BEST3: variants seen among roughly 807,000 people sequenced by gnomAD.
BEST3 encodes bestrophin 3, also known as bestrophin-3.
A neutral mutation model predicts 47.1 loss-of-function variants in BEST3; 50 were observed. That is an observed-to-expected ratio of 1.06 (90% CI 0.85 to 1.34). The LOEUF (loss-of-function observed/expected upper bound fraction) is 1.34, where lower values mean the gene tolerates loss of function less well. Among genes scored for constraint, BEST3 ranks in the 40% most tolerant of loss-of-function variants. BEST3 has a pLI of 0.00. For synonymous variants in BEST3, 282 were observed against 298.8 expected, an observed-to-expected ratio of 0.94 and a Z score of 0.58; for missense variants, 765 against 817.0, an observed-to-expected ratio of 0.94 and a Z score of 0.78.
exon 10 of BEST3, chr12:69,643,690 T>C: frequency 1.4e-6 from 1 of 695,094 alleles, no homozygotes; most frequent in Non-Finnish European, 2.7e-6. Flanking sequence ...GTGTTGTACC[T>C]TTAACCACCA....
chr12:69,670,878 A>G (rs1034433351), intron 9 of BEST3, among the ~76,000 whole-genome samples: 13 of 152,136 alleles, frequency 8.5e-5, no homozygotes, highest in Admixed American at 2.0e-4. Context: ...CCTTCAGCAA[A>G]TATACTTAAA....
In BEST3 at chr12:69,654,595, A is replaced by C; in HGVS notation, c.*312T>G. The C allele has an allele frequency of 9.3e-7, 1 of 1,069,936 alleles. No homozygotes were observed. The highest frequency in any genetic ancestry group is 1.1e-6 in the Non-Finnish European group (1 of 882,624). 66.3% of individuals were successfully genotyped at this position (1,069,936 alleles called of 1,614,324 possible). On this transcript the variant is annotated 3_prime_UTR_variant, in exon 10 of 10. Transcript: ENST00000330891. ...CTATGAGACTCTTTCCACAACTAAT[A>C]ATCTATGAATTTATAAGTCATGTAT...
intron 5 of BEST3, among the ~76,000 whole-genome samples, chr12:69,677,565 G>C (rs1183417479): frequency 6.6e-6 from 1 of 152,186 alleles, no homozygotes; most frequent in Non-Finnish European, 1.5e-5. Flanking sequence ...AGGATCTCTT[G>C]AGCCCAGTAG....
In BEST3 at chr12:69,657,164, C is replaced by T. The variant is rs151005089; in HGVS notation, c.1101-1351G>A. Among the ~76,000 whole-genome samples the T allele has an allele frequency of 2.5e-3, 377 of 151,222 alleles. 2 individuals are homozygous for T. The highest frequency in any genetic ancestry group is 6.8e-3 in the Middle Eastern group (2 of 292). ...AGGCTGGAGTGTAGTGGTGTGATCTCGGCTCACTGCAACCTCTGTCTCCCA... is the reference window on the plus strand; with the variant it reads ...AGGCTGGAGTGTAGTGGTGTGATCTTGGCTCACTGCAACCTCTGTCTCCCA... On this transcript the variant is annotated intron_variant, in intron 9 of 9. Coordinates refer to ENST00000330891, the MANE Select transcript of BEST3 (RefSeq NM_032735.3).
Position 69,694,351 on chromosome 12 carries a change from G to A in BEST3, c.247+19C>T. The A allele has an allele frequency of 1.3e-6, 2 of 1,498,130 alleles. No homozygotes were observed. Among genetic ancestry groups the A allele is most frequent in the Non-Finnish European group, 1.8e-6 (2 of 1,085,718 alleles). 92.8% of individuals were successfully genotyped at this position (1,498,130 alleles called of 1,614,324 possible). Reference sequence around the variant, plus strand: ...GGAGACAGCTATGTGGCTGCAATCTGCGTGTGACCTATACTTACCAAGCAC... The same window carrying A: ...GGAGACAGCTATGTGGCTGCAATCTACGTGTGACCTATACTTACCAAGCAC... On this transcript the variant is annotated intron_variant, in intron 3 of 9. Coordinates refer to ENST00000330891, the MANE Select transcript of BEST3 (RefSeq NM_032735.3).
downstream of BEST3, among the ~76,000 whole-genome samples, chr12:69,651,354 G>C (rs1473461678): frequency 2.6e-5 from 4 of 152,274 alleles, no homozygotes; most frequent in Non-Finnish European, 5.9e-5. Context: ...GAAGAACGCA[G>C]ACTTGTTCAA....
chr12:69,697,670 A>T lies in BEST3; in HGVS notation c.129T>A (p.Tyr43Ter). 6.2e-7 allele frequency: 1 copy of T among 1,606,864 alleles called. No individual in the cohort carries two copies. The highest frequency in any genetic ancestry group is 1.1e-5 in the South Asian group (1 of 89,490). Residue 43 changes from tyrosine (Y) to a stop codon, truncating the protein, a stop_gained, in exon 2 of 10, where the codon TAT becomes TAA. Transcript: ENST00000330891. LOFTEE classifies it high-confidence loss of function. Reference sequence around the variant, plus strand: ...ACCTGTATACCAAACTTATTGCTGTATAAAGAACAGCAAAAACAATAAATT... The same window carrying T: ...ACCTGTATACCAAACTTATTGCTGTTTAAAGAACAGCAAAAACAATAAATT... Reference protein sequence around the residue: ...YREFIVFAVLYTAISLVYRLL... With the variant: ...YREFIVFAVL
intron 9 of BEST3, among the ~76,000 whole-genome samples, chr12:69,644,584 GT>G (rs1246235525): frequency 6.6e-6 from 1 of 152,078 alleles, no homozygotes; most frequent in Non-Finnish European, 1.5e-5. Context: ...AGGACATAAG[GT>G]TTTTTTATTT....
intron 4 of BEST3, among the ~76,000 whole-genome samples, chr12:69,688,577 G>T (rs710711): frequency 1.3e-5 from 2 of 152,058 alleles, no homozygotes; most frequent in South Asian, 4.1e-4. Context: ...AAAAGCAAGA[G>T]AAGTTCAAGG....
At chr12:69,684,393 G>C in intron 4 of BEST3, 1 of 438,940 alleles carries the variant, frequency 2.3e-6, no homozygotes, top group Non-Finnish European at 4.1e-6. Context: ...TATTGCCCTC[G>C]AGCCAAAGGA....
intron 2 of BEST3, among the ~76,000 whole-genome samples, chr12:69,697,348 T>C (rs1592381867): frequency 6.6e-6 from 1 of 152,224 alleles, no homozygotes; most frequent in Non-Finnish European, 1.5e-5. Flanking sequence ...CAAAAGTCTT[T>C]ACACAGTAAA....
At chr12:69,687,608 A>G (rs956371304) in intron 4 of BEST3, 5 of 150,206 alleles carry the variant, frequency 3.3e-5, no homozygotes, top group Non-Finnish European at 3.0e-5. Context: ...AGGTTACTGT[A>G]AGCTATGACC....
At chr12:69,645,872 C>T (rs533168237) in intron 9 of BEST3, among the ~76,000 whole-genome samples, 8 of 152,200 alleles carry the variant, frequency 5.3e-5, no homozygotes, top group African/African-American at 1.9e-4. Flanking sequence ...TCATCACAAC[C>T]GTCTCTTTCT....
At chr12:69,686,569 C>T (rs969094469) in intron 4 of BEST3, among the ~76,000 whole-genome samples, 6 of 151,752 alleles carry the variant, frequency 4.0e-5, no homozygotes, top group Non-Finnish European at 8.8e-5. Flanking sequence ...GCCAGGAGTT[C>T]GAGACCAGCC....
At chr12:69,671,294 T>C in intron 9 of BEST3, 134 bp downstream of exon 9, 1 of 873,286 alleles carries the variant, frequency 1.1e-6, no homozygotes, top group Non-Finnish European at 1.6e-6. Context: ...CCTCCCCAAG[T>C]AGCTAGGACT....
rs944737069 is a variant in BEST3, at chr12:69,644,218, C to T, written c.1101-431G>A. Among the ~76,000 whole-genome samples the T allele has an allele frequency of 4.6e-5, 7 of 152,164 alleles. No homozygotes were observed. The South Asian group carries it at 6.2e-4, about 14-fold the overall frequency. ...TTTATGTGCAGGCCTGATTTTGAAA[C>T]GCAACTCTGCTAATTGTCAGCTCTG... On this transcript the variant is annotated intron_variant, in intron 9 of 9. Coordinates refer to the BEST3 transcript ENST00000331471.
intron 9 of BEST3, among the ~76,000 whole-genome samples, chr12:69,669,193 A>G (rs1422405957): frequency 6.6e-6 from 1 of 152,192 alleles, no homozygotes; most frequent in Non-Finnish European, 1.5e-5. Flanking sequence ...AAGAAATCCA[A>G]AGGGGGCCAT....
chr12:69,684,884 G>T (rs939971784), intron 4 of BEST3, among the ~76,000 whole-genome samples: 15 of 152,068 alleles, frequency 9.9e-5, no homozygotes, highest in African/African-American at 3.4e-4. Context: ...TGTCAACCAG[G>T]TTTTTTCGTT....
rs1290642486 is a variant in BEST3 at position 69,646,149 on chromosome 12, G to T, written c.1101-2362C>A. Reference sequence around the variant, plus strand: ...GATGGGGTTTTGCCATGTTGGCCAGGATGGTCTCAAACTCCTGACCTCAAG... The same window carrying T: ...GATGGGGTTTTGCCATGTTGGCCAGTATGGTCTCAAACTCCTGACCTCAAG... On this transcript the variant is annotated intron_variant, in intron 9 of 9. Coordinates refer to the BEST3 transcript ENST00000331471. Among the ~76,000 whole-genome samples, 4 of 152,088 alleles carry T rather than the reference G, an allele frequency of 2.6e-5. No individual in the cohort carries two copies. In the East Asian group the frequency reaches 5.8e-4, roughly 22 times the overall value.
Sources: allele counts gnomAD v4.1 joint callset (sites outside exome capture counted in the v4.1 genomes callset), GRCh38; gene constraint gnomAD v4.1.1; transcripts MANE v1.5; gene names NCBI Gene and HGNC (gene_info 2026-07-23, HGNC 2026-07-21).